Variants in PRH1 observed in about 807,000 individuals in gnomAD.
The protein encoded by PRH1 is salivary acidic proline-rich phosphoprotein 1/2.
In PRH1, 7 loss-of-function variants were observed where a neutral mutation model predicts 7.9. The ratio of observed to expected loss-of-function variants is 0.89; its 90% CI spans 0.50 to 1.67. The LOEUF (loss-of-function observed/expected upper bound fraction) is 1.67. PRH1 is among the 40% of genes most tolerant of loss of function. The probability of loss-of-function intolerance (pLI) is 0.00; values close to 1 mark genes in which losing one functional copy is unlikely to be tolerated. For synonymous variants in PRH1, 45 were observed against 80.8 expected, an observed-to-expected ratio of 0.56 and a Z score of 2.38; for missense variants, 109 against 223.6, an observed-to-expected ratio of 0.49 and a Z score of 3.27.
chr12:11,147,008 T>C (rs1304772711), intron 1 of PRH1, among the ~76,000 whole-genome samples: 47 of 152,214 alleles, frequency 3.1e-4, no homozygotes. Flanking sequence ...ACTTACCTCC[T>C]TCTTTTTCCA....
intron 1 of PRH1, among the ~76,000 whole-genome samples, chr12:11,039,423 T>A (rs1336604208): frequency 6.6e-6 from 1 of 152,262 alleles, no homozygotes; most frequent in Non-Finnish European, 1.5e-5. Flanking sequence ...TCAAACACAA[T>A]GTCCTTGCTG....
chr12:11,110,906 C>T (rs1945571619), intron 1 of PRH1, among the ~76,000 whole-genome samples: 1 of 152,210 alleles, frequency 6.6e-6, no homozygotes, highest in South Asian at 2.1e-4. Flanking sequence ...TTCAGGAAAC[C>T]CATCTCATGT....
chr12:10,921,524 G>A (rs1019285262), intron 2 of PRH1, among the ~76,000 whole-genome samples: 2 of 151,984 alleles, frequency 1.3e-5, no homozygotes, highest in Non-Finnish European at 2.9e-5. Context: ...TCTGCTTCTC[G>A]TATTTCTTGA....
chr12:10,990,188 G>A (rs1216778099), intron 1 of PRH1, among the ~76,000 whole-genome samples: 1 of 152,162 alleles, frequency 6.6e-6, no homozygotes, highest in Admixed American at 6.5e-5. Flanking sequence ...GAGAACTCAT[G>A]ACAAAGGTGC....
chr12:11,013,811 T>C (rs1941166008), intron 1 of PRH1, among the ~76,000 whole-genome samples: 1 of 152,088 alleles, frequency 6.6e-6, no homozygotes, highest in Admixed American at 6.6e-5. Context: ...CTAACTGCAA[T>C]CTATAGCTCC....
intron 1 of PRH1, among the ~76,000 whole-genome samples, chr12:11,000,838 A>T (rs1940551768): frequency 6.6e-6 from 1 of 152,106 alleles, no homozygotes; most frequent in Middle Eastern, 3.4e-3. Context: ...AACTCTGTCT[A>T]TTGGATTCTC....
intron 1 of PRH1, chr12:10,985,938 G>T: frequency 6.3e-7 from 1 of 1,581,786 alleles, no homozygotes; most frequent in Non-Finnish European, 8.6e-7. Context: ...AATCTAGAGA[G>T]TTGAGAGTTT....
intron 2 of PRH1, chr12:10,931,151 A>G: frequency 3.2e-6 from 5 of 1,586,684 alleles, no homozygotes; most frequent in Non-Finnish European, 4.3e-6. Context: ...GTGCCAGTGA[A>G]TCTATTGAAA....
chr12:10,987,461 C>T (rs1008689399), intron 1 of PRH1, among the ~76,000 whole-genome samples: 2 of 151,894 alleles, frequency 1.3e-5, no homozygotes, highest in African/African-American at 4.8e-5. Context: ...GACCAAAACA[C>T]CTTAAAATCT....
chr12:10,979,106 G>A (rs1939236521), intron 1 of PRH1, among the ~76,000 whole-genome samples: 2 of 152,120 alleles, frequency 1.3e-5, no homozygotes, highest in Admixed American at 6.6e-5. Flanking sequence ...ACTTGAAGAC[G>A]GAGGGCAGGA....
At chr12:10,884,625 C>CG (rs1377382979), upstream of PRH1, among the ~76,000 whole-genome samples, 2 of 152,150 alleles carry the variant, frequency 1.3e-5, no homozygotes, top group African/African-American at 4.8e-5. Flanking sequence ...GTGGGTGTGT[C>CG]GGGGGGTGGA....
chr12:11,011,090 T>G (rs1467828913), intron 1 of PRH1, among the ~76,000 whole-genome samples: 1 of 152,016 alleles, frequency 6.6e-6, no homozygotes, highest in African/African-American at 2.4e-5. Context: ...GTAAAAGTAG[T>G]CTATAAGTTT....
intron 1 of PRH1, among the ~76,000 whole-genome samples, chr12:11,066,239 C>A (rs1384351928): frequency 9.2e-5 from 14 of 152,162 alleles, no homozygotes; most frequent in African/African-American, 2.4e-4. Context: ...CGAACTCCAC[C>A]ATCACTCACA....
intron 1 of PRH1, among the ~76,000 whole-genome samples, chr12:10,981,594 C>T (rs557618557): frequency 6.6e-6 from 1 of 152,112 alleles, no homozygotes; most frequent in Admixed American, 6.5e-5. Flanking sequence ...AGGCTGATCT[C>T]GAACTCCTGA....
intron 2 of PRH1, among the ~76,000 whole-genome samples, chr12:10,933,031 T>C (rs1164870836): frequency 1.3e-5 from 2 of 152,122 alleles, no homozygotes; most frequent in East Asian, 3.8e-4. Context: ...TTCATAAATT[T>C]TGAACTAACA....
intron 1 of PRH1, among the ~76,000 whole-genome samples, chr12:11,075,381 CTTT>C (rs201938175): frequency 2.9e-5 from 3 of 104,306 alleles, no homozygotes; most frequent in Admixed American, 9.7e-5. Flanking sequence ...AGTTTGCTAG[CTTT>C]TTTTTTTTTT....
chr12:10,929,307 G>T (rs745887063), intron 2 of PRH1: 1 of 1,614,198 alleles, frequency 6.2e-7, no homozygotes, highest in Non-Finnish European at 8.5e-7. Flanking sequence ...GGCCCTGCTG[G>T]CCTTCAGCTC....
chr12:10,883,122 GA>G (rs774558972), intron 1 of PRH1, 26 bp from the exon 2 acceptor site: 1 of 1,610,836 alleles, frequency 6.2e-7, no homozygotes, highest in Non-Finnish European at 8.5e-7. Flanking sequence ...AGGATGATGG[GA>G]AAAGTTACTT....
chr12:11,165,217 T>A (rs754186019), intron 1 of PRH1, among the ~76,000 whole-genome samples: 6 of 152,172 alleles, frequency 3.9e-5, no homozygotes, highest in East Asian at 3.8e-4. Context: ...CCACTTTGCA[T>A]CTCCACCAGT....
Sources: gnomAD v4.1 joint callset for allele counts (sites outside exome capture counted in the v4.1 genomes callset) on GRCh38, gnomAD v4.1.1 for gene constraint, MANE v1.5 for transcripts, NCBI Gene and HGNC (gene_info 2026-07-23, HGNC 2026-07-21) for gene names.